STAG1: variants seen among roughly 807,000 people sequenced by gnomAD.
STAG1 encodes the protein STAG1 cohesin complex component.
A neutral mutation model predicts 170.9 loss-of-function variants in STAG1; 26 were observed. The ratio of observed to expected loss-of-function variants is 0.15; its 90% CI spans 0.11 to 0.21. The LOEUF (loss-of-function observed/expected upper bound fraction) is 0.21. Among genes scored for constraint, STAG1 ranks in the 10% least tolerant of loss-of-function variants. STAG1 has a pLI of 1.00. For missense variants in STAG1, 964 were observed against 1,509.5 expected (o/e 0.64, Z 5.99); for synonymous variants, 514 against 497.7 (o/e 1.03, Z -0.44).
chr3:136,720,476 A>G (rs1486221179), intron 1 of STAG1, among the ~76,000 whole-genome samples: 1 of 152,166 alleles, frequency 6.6e-6, no homozygotes, highest in Non-Finnish European at 1.5e-5. Flanking sequence ...ATCTGAGCTC[A>G]ATAACAGTCA....
intron 4 of STAG1, among the ~76,000 whole-genome samples, chr3:136,588,394 T>C (rs1937955084): frequency 6.6e-6 from 1 of 152,120 alleles, no homozygotes; most frequent in Non-Finnish European, 1.5e-5. Flanking sequence ...TGTAGTGCAA[T>C]GGTTGGCTCG....
At chr3:136,591,990 T>C (rs1377741983) in intron 4 of STAG1, among the ~76,000 whole-genome samples, 1 of 152,106 alleles carries the variant, frequency 6.6e-6, no homozygotes, top group Admixed American at 6.5e-5. Context: ...TCAAGAAAGG[T>C]TGGGACATGA....
intron 1 of STAG1, among the ~76,000 whole-genome samples, chr3:136,647,011 G>A (rs1941048521): frequency 6.6e-6 from 1 of 152,108 alleles, no homozygotes; most frequent in Admixed American, 6.5e-5. Flanking sequence ...TGATACACAT[G>A]CTAATTACTC....
intron 1 of STAG1, among the ~76,000 whole-genome samples, chr3:136,667,327 G>A (rs1941819250): frequency 6.6e-6 from 1 of 152,056 alleles, no homozygotes; most frequent in Non-Finnish European, 1.5e-5. Flanking sequence ...GCAGGAGGAT[G>A]ACTTGAGTCT....
At chr3:136,425,967 G>GT (rs527582100) in intron 16 of STAG1, among the ~76,000 whole-genome samples, 50 of 147,964 alleles carry the variant, frequency 3.4e-4, no homozygotes, top group South Asian at 4.3e-4. Flanking sequence ...TTATCTCTCA[G>GT]TTTTTTTTTT....
intron 16 of STAG1, among the ~76,000 whole-genome samples, chr3:136,427,016 C>T (rs912881071): frequency 6.0e-5 from 9 of 150,864 alleles, no homozygotes; most frequent in Non-Finnish European, 8.8e-5. Context: ...GCCGAGATCG[C>T]GCCACCGCAC....
intron 9 of STAG1, among the ~76,000 whole-genome samples, chr3:136,489,273 A>G (rs1431352484): frequency 6.6e-6 from 1 of 152,196 alleles, no homozygotes; most frequent in Non-Finnish European, 1.5e-5. Flanking sequence ...TAACCCTTTA[A>G]TATGGTATCT....
intron 4 of STAG1, among the ~76,000 whole-genome samples, chr3:136,569,839 C>A (rs1269398300): frequency 6.6e-5 from 10 of 151,594 alleles, no homozygotes; most frequent in Admixed American, 6.6e-4. Flanking sequence ...TTAAAACTTA[C>A]AGGATATTAA....
chr3:136,443,464 A>G lies in STAG1; in HGVS notation c.1429-60T>C, dbSNP rs1178112022. 6.1e-6 allele frequency: 7 copies of G among 1,153,912 alleles called. No homozygotes were observed. In the Admixed American group the frequency reaches 1.3e-4, roughly 21 times the overall value. 71.5% of individuals were successfully genotyped at this position (1,153,912 alleles called of 1,614,324 possible). ...TTTAATAAAGAAACTACTAATACTAATTTGAGTTAAGAAATCATTTTCTTC... is the reference window on the plus strand; with the variant it reads ...TTTAATAAAGAAACTACTAATACTAGTTTGAGTTAAGAAATCATTTTCTTC... On this transcript the variant is annotated intron_variant, in intron 14 of 33. Coordinates refer to ENST00000383202, the MANE Select transcript of STAG1 (RefSeq NM_005862.3).
chr3:136,422,890 T>C, intron 17 of STAG1, 33 bp from the exon 18 acceptor site: 1 of 1,591,950 alleles, frequency 6.3e-7, no homozygotes, highest in Non-Finnish European at 8.6e-7. Flanking sequence ...AGACAGTAAC[T>C]ACTTTAATAG....
intron 21 of STAG1, among the ~76,000 whole-genome samples, chr3:136,411,349 T>C (rs1028854585): frequency 2.0e-5 from 3 of 152,122 alleles, no homozygotes; most frequent in African/African-American, 7.2e-5. Context: ...AAAAAATTAT[T>C]TTTCTTAGAG....
intron 9 of STAG1, among the ~76,000 whole-genome samples, chr3:136,492,550 C>G (rs996150453): frequency 6.6e-6 from 1 of 152,104 alleles, no homozygotes; most frequent in Non-Finnish European, 1.5e-5. Flanking sequence ...CCAAATTGCA[C>G]AAAATGATTT....
chr3:136,727,130 GATT>G (rs1323782960), intron 1 of STAG1, among the ~76,000 whole-genome samples: 1 of 151,096 alleles, frequency 6.6e-6, no homozygotes, highest in African/African-American at 2.5e-5. Context: ...CATAATATAT[GATT>G]ATTTTGTTTA....
chr3:136,533,067 G>T (rs1006493636), intron 6 of STAG1, among the ~76,000 whole-genome samples: 3 of 152,100 alleles, frequency 2.0e-5, no homozygotes, highest in Non-Finnish European at 2.9e-5. Context: ...ATTCAGTAAA[G>T]CGCTTTACAT....
chr3:136,618,486 T>TTATATA (rs1303636796), intron 3 of STAG1, among the ~76,000 whole-genome samples: 5 of 152,224 alleles, frequency 3.3e-5, no homozygotes, highest in African/African-American at 4.8e-5. Flanking sequence ...CACTGAAACT[T>TTATATA]TATATACAAC....
At chr3:136,561,470 T>G (rs1167515825) in intron 5 of STAG1, among the ~76,000 whole-genome samples, 3 of 152,238 alleles carry the variant, frequency 2.0e-5, no homozygotes, top group African/African-American at 7.2e-5. Flanking sequence ...TCTGAAAGAA[T>G]TTTCCCCCTC....
At chr3:136,752,000 C>A (rs1364407290) in intron 1 of STAG1, among the ~76,000 whole-genome samples, 195 bp downstream of exon 1, 1 of 150,840 alleles carries the variant, frequency 6.6e-6, no homozygotes, top group African/African-American at 2.4e-5. Context: ...GGCCCACGAC[C>A]GCCGCACCCC....
At chr3:136,683,558 C>A (rs1942413842) in intron 1 of STAG1, among the ~76,000 whole-genome samples, 1 of 152,112 alleles carries the variant, frequency 6.6e-6, no homozygotes, top group Non-Finnish European at 1.5e-5. Flanking sequence ...GCCACAGTGC[C>A]CAGCCTTCAA....
chr3:136,709,605 T>C (rs746157256), intron 1 of STAG1, among the ~76,000 whole-genome samples: 30 of 150,298 alleles, frequency 2.0e-4, no homozygotes, highest in Middle Eastern at 3.7e-3. Flanking sequence ...CATGGTGGCA[T>C]ACACCCGTTG....
Sources: allele counts gnomAD v4.1 joint callset (sites outside exome capture counted in the v4.1 genomes callset), GRCh38; gene constraint gnomAD v4.1.1; transcripts MANE v1.5; gene names NCBI Gene and HGNC (gene_info 2026-07-23, HGNC 2026-07-21).